DLG2: variants seen among roughly 807,000 people sequenced by gnomAD.
DLG2 encodes the protein disks large homolog 2.
A neutral mutation model predicts 132.5 loss-of-function variants in DLG2; 45 were observed. The ratio of observed to expected loss-of-function variants is 0.34; its 90% CI spans 0.27 to 0.44. DLG2 has a LOEUF of 0.44. Among genes scored for constraint, DLG2 ranks in the 20% least tolerant of loss-of-function variants. The pLI is 1.00. For missense variants in DLG2, 1,045 were observed against 1,196.9 expected, an observed-to-expected ratio of 0.87 and a Z score of 1.87; for synonymous variants, 424 against 419.6, an observed-to-expected ratio of 1.01 and a Z score of -0.13.
intron 6 of DLG2, among the ~76,000 whole-genome samples, chr11:84,838,794 G>A (rs1049711565): frequency 1.3e-5 from 2 of 151,772 alleles, no homozygotes; most frequent in Admixed American, 6.6e-5. Flanking sequence ...ATTCAACAAC[G>A]CTTCATGCTA....
At chr11:84,115,516 C>T (rs1566567739) in intron 9 of DLG2, among the ~76,000 whole-genome samples, 1 of 152,176 alleles carries the variant, frequency 6.6e-6, no homozygotes, top group African/African-American at 2.4e-5. Flanking sequence ...AAGTCACGGA[C>T]ACCTGTCTCC....
At chr11:85,377,084 A>G (rs932205339) in intron 3 of DLG2, among the ~76,000 whole-genome samples, 4 of 152,216 alleles carry the variant, frequency 2.6e-5, no homozygotes, top group Non-Finnish European at 5.9e-5. Context: ...AAGGTCATGT[A>G]AGTGATAGAG....
intron 15 of DLG2, among the ~76,000 whole-genome samples, chr11:83,900,702 C>T (rs1026350549): frequency 6.6e-6 from 1 of 152,184 alleles, no homozygotes; most frequent in Non-Finnish European, 1.5e-5. Context: ...CAGAAGTTTG[C>T]TGTAGAGGTG....
chr11:83,544,166 C>T (rs76313682), intron 19 of DLG2, among the ~76,000 whole-genome samples: 2,924 of 152,252 alleles, frequency 0.019, 96 homozygotes, highest in African/African-American at 0.066. Flanking sequence ...AGAGGACTCT[C>T]GGAAACTTGC....
chr11:83,840,544 T>C (rs1007260150), intron 16 of DLG2, among the ~76,000 whole-genome samples: 2 of 152,162 alleles, frequency 1.3e-5, no homozygotes, highest in East Asian at 1.9e-4. Flanking sequence ...ACACATTTCA[T>C]CTAAAAGGGG....
At chr11:84,768,214 A>G (rs1429977813) in intron 6 of DLG2, among the ~76,000 whole-genome samples, 2 of 152,184 alleles carry the variant, frequency 1.3e-5, no homozygotes. Context: ...TCCTACCCCA[A>G]GATGTCACTA....
At chr11:85,625,915 C>A (rs949557462) in intron 2 of DLG2, among the ~76,000 whole-genome samples, 1 of 152,174 alleles carries the variant, frequency 6.6e-6, no homozygotes, top group Non-Finnish European at 1.5e-5. Context: ...ATATAATCAA[C>A]TATGCTTCAG....
rs149686989 is a variant in DLG2, at chr11:84,372,121, C to T, written c.520-120830G>A. Among the ~76,000 whole-genome samples the T allele has an allele frequency of 1.7e-4, 26 of 152,214 alleles. No individual in the cohort carries two copies. The East Asian group carries it at 3.7e-3, about 21-fold the overall frequency. ...GACATACCAAACAGTATAAAACTTA[C>T]GACTTACATTTAGATTCATATTGTA... On this transcript the variant is annotated intron_variant, in intron 7 of 27. Coordinates refer to ENST00000376104, the MANE Select transcript of DLG2 (RefSeq NM_001142699.3).
chr11:84,433,867 A>G (rs2098992268), intron 7 of DLG2, among the ~76,000 whole-genome samples: 1 of 152,304 alleles, frequency 6.6e-6, no homozygotes, highest in Non-Finnish European at 1.5e-5. Flanking sequence ...CTGTAATCCC[A>G]GCACTTTGGG....
At chr11:84,127,124 A>C (rs2094209114) in intron 9 of DLG2, among the ~76,000 whole-genome samples, 1 of 152,196 alleles carries the variant, frequency 6.6e-6, no homozygotes, top group African/African-American at 2.4e-5. Flanking sequence ...ATGTTTATCA[A>C]AGGGCTATCT....
At chr11:85,182,267 C>T (rs2079765770) in intron 4 of DLG2, among the ~76,000 whole-genome samples, 1 of 151,842 alleles carries the variant, frequency 6.6e-6, no homozygotes, top group Non-Finnish European at 1.5e-5. Flanking sequence ...GGTTGCATAG[C>T]TAAGACATGA....
chr11:83,640,124 T>C (rs1014503885), intron 18 of DLG2, among the ~76,000 whole-genome samples: 4 of 152,212 alleles, frequency 2.6e-5, no homozygotes, highest in Non-Finnish European at 5.9e-5. Context: ...ATCACTGAGC[T>C]GTAAACAGGA....
chr11:84,326,242 C>T (rs67955661), intron 7 of DLG2, among the ~76,000 whole-genome samples: 18,873 of 151,154 alleles, frequency 0.12, 1,279 homozygotes, highest in East Asian at 0.24. Flanking sequence ...ATTTTTTTCT[C>T]TAATTATTTT....
intron 6 of DLG2, among the ~76,000 whole-genome samples, chr11:84,840,960 C>T (rs1016505215): frequency 6.7e-6 from 1 of 149,734 alleles, no homozygotes; most frequent in Non-Finnish European, 1.5e-5. Flanking sequence ...ACGTGTTGTG[C>T]TCATGTACCT....
chr11:83,835,973 G>A (rs549791583), intron 16 of DLG2, among the ~76,000 whole-genome samples: 1 of 152,198 alleles, frequency 6.6e-6, no homozygotes, highest in Admixed American at 6.5e-5. Context: ...ACATCATAAG[G>A]AATTGGCTTA....
chr11:84,169,855 A>C (rs2095776821), intron 8 of DLG2, among the ~76,000 whole-genome samples: 1 of 144,944 alleles, frequency 6.9e-6, no homozygotes, highest in Non-Finnish European at 1.5e-5. Flanking sequence ...CCTGGGCAAC[A>C]GAGTGAGACT....
At chr11:85,085,480 T>A (rs1439060082) in intron 6 of DLG2, among the ~76,000 whole-genome samples, 1 of 152,100 alleles carries the variant, frequency 6.6e-6, no homozygotes, top group Non-Finnish European at 1.5e-5. Flanking sequence ...TATTTTACCT[T>A]CCCAATTAGA....
intron 4 of DLG2, among the ~76,000 whole-genome samples, chr11:85,220,873 C>T (rs1007246892): frequency 6.6e-6 from 1 of 151,830 alleles, no homozygotes; most frequent in Non-Finnish European, 1.5e-5. Flanking sequence ...CTTGATTTAT[C>T]ACAATTTGTC....
chr11:85,123,223 C>T (rs541598546), intron 5 of DLG2, among the ~76,000 whole-genome samples: 12 of 151,546 alleles, frequency 7.9e-5, no homozygotes, highest in Non-Finnish European at 1.2e-4. Context: ...GTGATCCGCC[C>T]GCCTCGGCCT....
Sources: gnomAD v4.1 joint callset for allele counts (sites outside exome capture counted in the v4.1 genomes callset) on GRCh38, gnomAD v4.1.1 for gene constraint, MANE v1.5 for transcripts, NCBI Gene and HGNC (gene_info 2026-07-23, HGNC 2026-07-21) for gene names.